CRIM1: variants seen among roughly 807,000 people sequenced by gnomAD.
CRIM1 encodes cysteine rich transmembrane BMP regulator 1.
CRIM1 carries 32 observed loss-of-function variants against 116.4 expected under a neutral mutation model. That is an observed-to-expected ratio of 0.27 (90% confidence interval 0.21 to 0.37). The LOEUF (loss-of-function observed/expected upper bound fraction) is 0.37. Ranked by LOEUF, CRIM1 falls within the 10% of genes least tolerant of loss-of-function variation. CRIM1 has a pLI of 1.00. For missense variants in CRIM1, 1,331 were observed against 1,354.8 expected (o/e 0.98, Z 0.28); for synonymous variants, 590 against 509.2 (o/e 1.16, Z -2.13).
chr2:36,387,091 C>T (rs2148350680), intron 1 of CRIM1, among the ~76,000 whole-genome samples: 1 of 152,320 alleles, frequency 6.6e-6, no homozygotes. Flanking sequence ...ATTTTGTAGA[C>T]CATTGCTTTG....
intron 1 of CRIM1, among the ~76,000 whole-genome samples, chr2:36,392,763 A>T (rs1188173923): frequency 6.6e-6 from 1 of 152,174 alleles, no homozygotes; most frequent in Admixed American, 6.5e-5. Context: ...GTTGCTAGGG[A>T]AACCATTTCC....
intron 2 of CRIM1, among the ~76,000 whole-genome samples, chr2:36,429,061 A>G (rs976565688): frequency 6.6e-6 from 1 of 152,194 alleles, no homozygotes; most frequent in South Asian, 2.1e-4. Flanking sequence ...TACCATATGG[A>G]CAAGGGCTGC....
At chr2:36,412,427 G>C (rs551787982) in intron 2 of CRIM1, among the ~76,000 whole-genome samples, 2 of 152,154 alleles carry the variant, frequency 1.3e-5, no homozygotes, top group Non-Finnish European at 2.9e-5. Flanking sequence ...TGGCCATCGA[G>C]AGATTGGCAG....
At chr2:36,492,058 CCA>C (rs1195039129) in intron 7 of CRIM1, among the ~76,000 whole-genome samples, 1 of 152,082 alleles carries the variant, frequency 6.6e-6, no homozygotes, top group Non-Finnish European at 1.5e-5. Flanking sequence ...AATAATGCTA[CCA>C]TCTTTTCCTA....
intron 8 of CRIM1, among the ~76,000 whole-genome samples, chr2:36,507,531 C>G (rs1681515978): frequency 2.0e-5 from 3 of 152,190 alleles, no homozygotes; most frequent in Admixed American, 1.3e-4. Flanking sequence ...GCCTAGAGCT[C>G]CCTCTATTGG....
intron 5 of CRIM1, among the ~76,000 whole-genome samples, chr2:36,472,824 G>A (rs1678639042): frequency 6.6e-6 from 1 of 152,082 alleles, no homozygotes; most frequent in South Asian, 2.1e-4. Context: ...ATACTTTTTG[G>A]AACTTATAGT....
At chr2:36,419,551 C>A (rs940304236) in intron 2 of CRIM1, among the ~76,000 whole-genome samples, 1 of 152,182 alleles carries the variant, frequency 6.6e-6, no homozygotes, top group Non-Finnish European at 1.5e-5. Context: ...TAATGTACCA[C>A]GTTCTTAGTA....
At chr2:36,363,538 C>A (rs927684188) in intron 1 of CRIM1, among the ~76,000 whole-genome samples, 2 of 144,020 alleles carry the variant, frequency 1.4e-5, no homozygotes, top group African/African-American at 5.0e-5. Context: ...CGCCCCCCCC[C>A]CCCATGACTA....
intron 2 of CRIM1, among the ~76,000 whole-genome samples, chr2:36,402,490 G>C (rs796122065): frequency 2.0e-5 from 3 of 152,122 alleles, no homozygotes; most frequent in African/African-American, 7.2e-5. Context: ...CCTTGTAGAA[G>C]ATGATGAGAT....
At chr2:36,512,858 C>G (rs1664783495) in intron 10 of CRIM1, among the ~76,000 whole-genome samples, 1 of 152,200 alleles carries the variant, frequency 6.6e-6, no homozygotes. Flanking sequence ...CACATGCCAG[C>G]CCACAGCTGT....
In CRIM1 at chr2:36,392,925, G is replaced by A. The variant is rs971878944; in HGVS notation, c.332-3689G>A. The stretch of plus-strand genomic sequence containing the variant: ...CATAGTGGCAGCAATGTTTCTGAGG[G>A]GAATGGTCACCTTTACCTGAGCATC... On this transcript the variant is annotated intron_variant, in intron 1 of 16. Transcript: ENST00000280527. 2.0e-5 allele frequency among the ~76,000 whole-genome samples: 3 copies of A among 152,216 alleles called. No individual in the cohort carries two copies. In the South Asian group the frequency reaches 6.2e-4, roughly 32 times the overall value.
chr2:36,359,156 A>G (rs1162973731), intron 1 of CRIM1, among the ~76,000 whole-genome samples: 7 of 152,160 alleles, frequency 4.6e-5, no homozygotes, highest in Non-Finnish European at 7.3e-5. Flanking sequence ...CATGAATAGG[A>G]ATCAATATAT....
At chr2:36,487,638 C>T (rs1348057993) in intron 7 of CRIM1, among the ~76,000 whole-genome samples, 1 of 151,144 alleles carries the variant, frequency 6.6e-6, no homozygotes, top group African/African-American at 2.4e-5. Flanking sequence ...AATAAAGGCA[C>T]TTTGTCTTCT....
Position 36,510,121 on chromosome 2 carries a change from A to G in CRIM1, c.1640A>G (p.Tyr547Cys). ...KKCRPIICDK[Y>C]CPLGLLKNKH... is the part of the protein sequence containing the mutation. The stretch of plus-strand genomic sequence containing the variant: ...TGCAGACCCATAATCTGTGACAAGT[A>G]TTGTCCACTTGGATTGCTGTACGTA... Residue 547 changes from tyrosine (Y) to cysteine (C), a missense_variant, in exon 9 of 17, where the codon TAT becomes TGT. Tyr to Cys is a radical substitution (Grantham distance 194, BLOSUM62 -2). This residue lies in a region of CRIM1 where 358 missense variants were observed against 436.1 expected (regional missense o/e 0.82). Transcript: ENST00000280527. The G allele has an allele frequency of 6.2e-7, 1 of 1,613,672 alleles. No individual in the cohort carries two copies. The highest frequency in any genetic ancestry group is 1.1e-5 in the South Asian group (1 of 90,922).
At chr2:36,447,713 G>T (rs984107183) in intron 4 of CRIM1, among the ~76,000 whole-genome samples, 1 of 152,064 alleles carries the variant, frequency 6.6e-6, no homozygotes, top group Non-Finnish European at 1.5e-5. Flanking sequence ...TGGAAAGTAG[G>T]TTCCACTTCT....
chr2:36,456,989 C>T (rs1677187222), intron 4 of CRIM1, among the ~76,000 whole-genome samples: 3 of 152,168 alleles, frequency 2.0e-5, no homozygotes, highest in African/African-American at 2.4e-5. Flanking sequence ...TCTCCTGCAG[C>T]TTATACCACT....
intron 5 of CRIM1, among the ~76,000 whole-genome samples, chr2:36,470,970 C>G (rs1233437296): frequency 6.6e-6 from 1 of 152,072 alleles, no homozygotes; most frequent in Non-Finnish European, 1.5e-5. Context: ...TTGATTCCAA[C>G]CCTCATGAAT....
chr2:36,388,191 C>T lies in CRIM1; in HGVS notation c.332-8423C>T, dbSNP rs369846612. Among the ~76,000 whole-genome samples, 6 of 152,126 alleles carry T rather than the reference C, an allele frequency of 3.9e-5. No homozygotes were observed. In the South Asian group the frequency reaches 1.2e-3, roughly 32 times the overall value. On this transcript the variant is annotated intron_variant, in intron 1 of 16. Coordinates refer to ENST00000280527, the MANE Select transcript of CRIM1 (RefSeq NM_016441.3). ...CAGAGTGCTTCAGCAGTTGTCAGTT[C>T]ATAGCCAATCCTGTTTTATTAAACG...
In CRIM1 at chr2:36,543,279, C is replaced by G. The variant is rs183422522; in HGVS notation, c.2624-1097C>G. 1.4e-3 allele frequency among the ~76,000 whole-genome samples: 212 copies of G among 152,262 alleles called. 1 individual carries two copies. Among genetic ancestry groups the G allele is most frequent in the African/African-American group, 4.9e-3 (205 of 41,552 alleles). On this transcript the variant is annotated intron_variant, in intron 14 of 16. Coordinates refer to ENST00000280527, the MANE Select transcript of CRIM1 (RefSeq NM_016441.3). ...GTACCCAGTTAACTCATGGGGGAAGCTTAGCAAGTACTCTCTTCTCTATCA... is the reference window on the plus strand; with the variant it reads ...GTACCCAGTTAACTCATGGGGGAAGGTTAGCAAGTACTCTCTTCTCTATCA...
Sources: gnomAD v4.1 joint callset for allele counts (sites outside exome capture counted in the v4.1 genomes callset) on GRCh38, gnomAD v4.1.1 for gene constraint, gnomAD v4.1.1 regional missense constraint, MANE v1.5 for transcripts, NCBI Gene and HGNC (gene_info 2026-07-23, HGNC 2026-07-21) for gene names.